CNGB1: variants seen among roughly 807,000 people sequenced by gnomAD.
CNGB1 encodes the protein cyclic nucleotide gated channel subunit beta 1, also known as cyclic nucleotide-gated channel beta-1.
A neutral mutation model predicts 151.7 loss-of-function variants in CNGB1; 126 were observed. That is an observed-to-expected ratio of 0.83 (90% CI 0.72 to 0.96). CNGB1 has a LOEUF of 0.96. Ranked by LOEUF, CNGB1 falls within the 40% of genes least tolerant of loss-of-function variation. The pLI is 0.00. For missense variants in CNGB1, 1,698 were observed against 1,627.0 expected (o/e 1.04, Z -0.75); for synonymous variants, 623 against 635.1 (o/e 0.98, Z 0.29).
chr16:57,909,089 C>G (rs1408212746), intron 25 of CNGB1, among the ~76,000 whole-genome samples: 2 of 152,148 alleles, frequency 1.3e-5, no homozygotes, highest in East Asian at 3.9e-4. Flanking sequence ...GGCCACACGG[C>G]AAAACTCCAT....
intron 31 of CNGB1, among the ~76,000 whole-genome samples, chr16:57,890,972 A>T (rs1343130307): frequency 2.4e-4 from 37 of 151,966 alleles, no homozygotes; most frequent in Non-Finnish European, 1.5e-5. Flanking sequence ...TCCCACCCAC[A>T]CCTCAGCCTT....
Position 57,940,279 on chromosome 16 carries a change from G to A in CNGB1, c.1164C>T (p.Gly388=), listed in dbSNP as rs1488953692. ...DSCVVSQVGV[G]QSEEDGTRPQ... is the part of the protein sequence containing the mutation. ...GCCGGGTCCCGTCTTCTTCACTCTG[G>A]CCCACGCCCACCTGCGACACCACAC... Residue 388 remains glycine, a synonymous_variant, in exon 15 of 33, where the codon GGC becomes GGT. Transcript: ENST00000251102. The A allele has an allele frequency of 1.9e-6, 3 of 1,582,156 alleles. No homozygotes were observed. Among genetic ancestry groups the A allele is most frequent in the Middle Eastern group, 1.7e-4 (1 of 6,042 alleles).
At chr16:57,962,535 C>A (rs775718866) in intron 7 of CNGB1, 30 bp downstream of exon 7, 3 of 1,607,500 alleles carry the variant, frequency 1.9e-6, no homozygotes, top group East Asian at 2.2e-5. Context: ...CACATACAGA[C>A]AACAGTGACA....
intron 23 of CNGB1, among the ~76,000 whole-genome samples, chr16:57,914,817 C>T (rs1960817805): frequency 6.6e-6 from 1 of 152,130 alleles, no homozygotes; most frequent in African/African-American, 2.4e-5. Context: ...TAGGGCAAGT[C>T]CCCCAGCCTC....
At chr16:57,906,158 C>T (rs1310000071) in intron 25 of CNGB1, among the ~76,000 whole-genome samples, 3 of 152,178 alleles carry the variant, frequency 2.0e-5, no homozygotes, top group Non-Finnish European at 1.5e-5. Flanking sequence ...CTGGGCTCAG[C>T]CATTCGGCTC....
At chr16:57,931,027 G>A (rs1961331730) in intron 17 of CNGB1, among the ~76,000 whole-genome samples, 1 of 151,468 alleles carries the variant, frequency 6.6e-6, no homozygotes, top group South Asian at 2.1e-4. Context: ...GACTTGGTGA[G>A]TTATAATATG....
intron 31 of CNGB1, among the ~76,000 whole-genome samples, chr16:57,890,360 CG>C (rs1960053898): frequency 6.6e-6 from 1 of 152,186 alleles, no homozygotes; most frequent in Non-Finnish European, 1.5e-5. Flanking sequence ...CGCGCCAGCT[CG>C]GCACTGTCCC....
chr16:57,896,712 CAAAA>C (rs1477278757), intron 31 of CNGB1, among the ~76,000 whole-genome samples: 1 of 111,410 alleles, frequency 9.0e-6, no homozygotes, highest in Non-Finnish European at 1.9e-5. Context: ...GACTCTGTCT[CAAAA>C]TAAATAAATA....
rs1000340221 is a variant in CNGB1, at chr16:57,955,150, T to C, written c.874+2191A>G. 46 of 1,479,764 alleles carry C rather than the reference T, an allele frequency of 3.1e-5. No homozygotes were observed. In the African/African-American group the frequency reaches 5.4e-4, roughly 17 times the overall value. The allele number at this position is 1,479,764 out of a possible 1,614,324, so 91.7% of individuals were successfully genotyped here. On this transcript the variant is annotated intron_variant, in intron 12 of 32. Transcript: ENST00000251102. ...TTCCCCTTGTTCTGGTCTGGGAGGC[T>C]CTGGGGCTGGTGCAGGTGACTCTGG...
intron 30 of CNGB1, 28 bp from the exon 31 acceptor site, chr16:57,897,571 C>T (rs1960268829): frequency 6.2e-7 from 1 of 1,613,296 alleles, no homozygotes; most frequent in Non-Finnish European, 8.5e-7. Context: ...GGAAGGAGGC[C>T]CTTCAGAGAC....
chr16:57,900,080 C>T (rs1218267217), intron 29 of CNGB1, among the ~76,000 whole-genome samples: 1 of 152,208 alleles, frequency 6.6e-6, no homozygotes, highest in African/African-American at 2.4e-5. Context: ...TCTTATTCAG[C>T]CCTCACAACC....
intron 12 of CNGB1, chr16:57,955,247 G>T: frequency 6.5e-7 from 1 of 1,545,396 alleles, no homozygotes. Context: ...GGTGTCAGTG[G>T]CCACCTCCCC....
At chr16:57,922,289 C>G (rs247064) in intron 18 of CNGB1, among the ~76,000 whole-genome samples, 100,428 of 151,988 alleles carry the variant, frequency 0.66, 33,669 homozygotes, top group African/African-American at 0.77. Context: ...GCCCAGGGCC[C>G]GGGTATTCGC....
chr16:57,945,855 T>C (rs1168134018), intron 14 of CNGB1, among the ~76,000 whole-genome samples: 1 of 152,212 alleles, frequency 6.6e-6, no homozygotes, highest in Non-Finnish European at 1.5e-5. Flanking sequence ...TCATTATTAT[T>C]ATTAATCCCA....
chr16:57,949,259 G>A, intron 14 of CNGB1, 94 bp downstream of exon 14: 1 of 1,594,850 alleles, frequency 6.3e-7, no homozygotes, highest in Non-Finnish European at 8.5e-7. Flanking sequence ...CAACAGAAAG[G>A]AGCTCCCATG....
intron 23 of CNGB1, among the ~76,000 whole-genome samples, chr16:57,914,848 T>A: frequency 6.6e-6 from 1 of 152,142 alleles, no homozygotes; most frequent in Admixed American, 6.5e-5. Flanking sequence ...AATGTCCCCA[T>A]CTTTTAGACA....
chr16:57,969,231 G>A (rs573547527), intron 1 of CNGB1, among the ~76,000 whole-genome samples: 9 of 152,256 alleles, frequency 5.9e-5, no homozygotes, highest in African/African-American at 1.9e-4. Flanking sequence ...ACTTGAACCC[G>A]GGAGGCAGAG....
intron 16 of CNGB1, among the ~76,000 whole-genome samples, chr16:57,933,517 C>T (rs1316111861): frequency 8.5e-5 from 13 of 152,050 alleles, no homozygotes; most frequent in African/African-American, 3.1e-4. Flanking sequence ...GACAGGTCTG[C>T]CCCAAGTCCA....
At chr16:57,954,869 T>C in intron 12 of CNGB1, 26 of 1,005,876 alleles carry the variant, frequency 2.6e-5, no homozygotes, top group Non-Finnish European at 3.0e-5. Flanking sequence ...CTCAAAGAGA[T>C]GCTCAATACT....
Sources: gnomAD v4.1 joint callset for allele counts (sites outside exome capture counted in the v4.1 genomes callset) on GRCh38, gnomAD v4.1.1 for gene constraint, MANE v1.5 for transcripts, NCBI Gene and HGNC (gene_info 2026-07-23, HGNC 2026-07-21) for gene names.